RAPGEF2: variants seen among roughly 807,000 people sequenced by gnomAD.
RAPGEF2 encodes PDZ domain containing guanine nucleotide exchange factor (GEF) 1.
Under a neutral mutation model 186.7 loss-of-function variants are expected in RAPGEF2, and 54 were observed. The observed-to-expected ratio is 0.29, with a 90% CI of 0.23 to 0.36. The LOEUF is 0.36. Ranked by LOEUF, RAPGEF2 falls within the 10% of genes least tolerant of loss-of-function variation. RAPGEF2 has a pLI of 1.00. For synonymous variants in RAPGEF2, 712 were observed against 705.9 expected (o/e 1.01, Z -0.14); for missense variants, 1,532 against 2,045.0 (o/e 0.75, Z 4.84).
chr4:159,170,223 A>G (rs1203577308), intron 1 of RAPGEF2, among the ~76,000 whole-genome samples: 1 of 152,018 alleles, frequency 6.6e-6, no homozygotes, highest in Non-Finnish European at 1.5e-5. Context: ...ATGTCTATTC[A>G]GGTCCTTTTC....
intron 1 of RAPGEF2, among the ~76,000 whole-genome samples, chr4:159,162,395 TAAAA>T (rs79478746): frequency 3.3e-4 from 44 of 133,494 alleles, no homozygotes; most frequent in Non-Finnish European, 5.4e-4. Flanking sequence ...TACTGTCTCT[TAAAA>T]AAAAAAAAAA....
chr4:159,275,423 T>C (rs945653185), intron 7 of RAPGEF2, among the ~76,000 whole-genome samples: 2 of 152,178 alleles, frequency 1.3e-5, no homozygotes, highest in African/African-American at 4.8e-5. Context: ...ACATTATTGG[T>C]TTGTAATATT....
chr4:159,237,415 A>G (rs564494516), intron 4 of RAPGEF2, among the ~76,000 whole-genome samples: 60 of 152,338 alleles, frequency 3.9e-4, no homozygotes, highest in African/African-American at 1.4e-3. Flanking sequence ...CTAACCTGAT[A>G]ACCTGTAAAC....
At position 159,297,240 on chromosome 4, in the gene RAPGEF2, C is replaced by T. The variant is rs535214326; in HGVS notation, c.544-7102C>T. ...GGAACGTTTGAAATGCATCCCTTCC[C>T]CCAACCCCCAAAAAAACACACAACA... On this transcript the variant is annotated intron_variant, in intron 7 of 29. Transcript: ENST00000691494. 5.3e-5 allele frequency among the ~76,000 whole-genome samples: 8 copies of T among 152,266 alleles called. No individual in the cohort carries two copies. The South Asian group carries it at 1.7e-3, about 32-fold the overall frequency.
intron 17 of RAPGEF2, among the ~76,000 whole-genome samples, chr4:159,334,190 TTGA>T (rs1422460069): frequency 6.6e-6 from 1 of 152,224 alleles, no homozygotes; most frequent in Non-Finnish European, 1.5e-5. Context: ...ATAACCTTCG[TTGA>T]TGAAAACCTT....
At chr4:159,330,654 G>C (rs1579966711) in intron 13 of RAPGEF2, 156 bp downstream of exon 13, 4 of 566,348 alleles carry the variant, frequency 7.1e-6, no homozygotes, top group Admixed American at 4.1e-5. Context: ...CAAAAAAAAA[G>C]GTGATACAAA....
At chr4:159,168,555 C>T (rs1259548953) in intron 1 of RAPGEF2, among the ~76,000 whole-genome samples, 4 of 151,780 alleles carry the variant, frequency 2.6e-5, no homozygotes, top group Non-Finnish European at 5.9e-5. Context: ...GTTTCATCCC[C>T]AAGAGCATGC....
At chr4:159,279,326 G>C (rs1939803213) in intron 7 of RAPGEF2, among the ~76,000 whole-genome samples, 1 of 152,176 alleles carries the variant, frequency 6.6e-6, no homozygotes, top group Admixed American at 6.5e-5. Context: ...GTCTATTTGG[G>C]GAAGCTGCAT....
chr4:159,237,682 T>C (rs1753428583), intron 4 of RAPGEF2, among the ~76,000 whole-genome samples: 1 of 151,898 alleles, frequency 6.6e-6, no homozygotes, highest in South Asian at 2.1e-4. Flanking sequence ...AGCATTTTTT[T>C]CTTAAAGATA....
intron 7 of RAPGEF2, among the ~76,000 whole-genome samples, chr4:159,251,524 TG>T (rs1406500863): frequency 6.6e-6 from 1 of 151,672 alleles, no homozygotes; most frequent in African/African-American, 2.4e-5. Context: ...GGTAGGGACT[TG>T]GAGAACTTTT....
chr4:159,293,671 T>G (rs1240408787), intron 7 of RAPGEF2, among the ~76,000 whole-genome samples: 1 of 152,210 alleles, frequency 6.6e-6, no homozygotes, highest in East Asian at 1.9e-4. Flanking sequence ...CAAAACAAAA[T>G]ATAATGGTTC....
At chr4:159,260,422 T>G (rs1010652286) in intron 7 of RAPGEF2, among the ~76,000 whole-genome samples, 8 of 151,866 alleles carry the variant, frequency 5.3e-5, no homozygotes, top group Non-Finnish European at 1.2e-4. Context: ...TAATGTAGTG[T>G]TTTTTTTCCT....
At chr4:159,109,320 C>G (rs973851601) in intron 1 of RAPGEF2, among the ~76,000 whole-genome samples, 1 of 151,970 alleles carries the variant, frequency 6.6e-6, no homozygotes, top group South Asian at 2.1e-4. Context: ...AGCAAGGCCC[C>G]GTTTCTATTT....
At chr4:159,229,731 T>A (rs1020881833) in intron 4 of RAPGEF2, among the ~76,000 whole-genome samples, 1 of 152,218 alleles carries the variant, frequency 6.6e-6, no homozygotes, top group African/African-American at 2.4e-5. Context: ...ATTTTTAAAT[T>A]GTTTTGTATA....
At chr4:159,354,105 T>C (rs1731607869) in intron 28 of RAPGEF2, 59 bp downstream of exon 28, 1 of 1,436,258 alleles carries the variant, frequency 7.0e-7, no homozygotes, top group Non-Finnish European at 9.3e-7. Flanking sequence ...ATGTAACTTA[T>C]TACAATAGTA....
intron 3 of RAPGEF2, among the ~76,000 whole-genome samples, chr4:159,196,149 A>G (rs1263735288): frequency 6.6e-6 from 1 of 152,192 alleles, no homozygotes; most frequent in East Asian, 1.9e-4. Flanking sequence ...TCACATAATC[A>G]GATTTCTAGC....
chr4:159,144,206 C>T (rs1462022379), intron 1 of RAPGEF2, among the ~76,000 whole-genome samples: 1 of 151,554 alleles, frequency 6.6e-6, no homozygotes, highest in Non-Finnish European at 1.5e-5. Flanking sequence ...TATTAAAGTT[C>T]ATCCGAATAC....
rs563903878 is a variant in RAPGEF2 at position 159,125,208 on chromosome 4, CAATCAATG to C, written c.69+20990_69+20997del. The stretch of plus-strand genomic sequence containing the variant: ...AGGTGCTTTGCTCAATAAATCTGCA[CAATCAATG>C]AATCAATGAATCGATTTAGTTTACA... On this transcript the variant is annotated intron_variant, in intron 1 of 29. Transcript: ENST00000691494. Among the ~76,000 whole-genome samples the C allele has an allele frequency of 2.1e-3, 326 of 152,276 alleles. 2 individuals carry two copies. Among genetic ancestry groups the C allele is most frequent in the African/African-American group, 7.6e-3 (316 of 41,562 alleles).
At chr4:159,339,089 T>C (rs753273245) in intron 18 of RAPGEF2, 25 bp from the exon 19 acceptor site, 44 of 1,607,242 alleles carry the variant, frequency 2.7e-5, no homozygotes, top group East Asian at 4.5e-5. Flanking sequence ...TTTCTACTTA[T>C]GTGTGTGATT....
Sources: allele counts gnomAD v4.1 joint callset (sites outside exome capture counted in the v4.1 genomes callset), GRCh38; gene constraint gnomAD v4.1.1; transcripts MANE v1.5; gene names NCBI Gene and HGNC (gene_info 2026-07-23, HGNC 2026-07-21).